Variants in PKD1L3 observed in about 807,000 individuals in gnomAD.
The protein encoded by PKD1L3 is polycystin 1 like 3, transient receptor potential channel interacting.
In PKD1L3, 239 loss-of-function variants were observed where a neutral mutation model predicts 184.1. That is an observed-to-expected ratio of 1.30 (90% CI 1.17 to 1.45). The LOEUF is 1.45. PKD1L3 is among the 40% of genes most tolerant of loss of function. PKD1L3 has a pLI of 0.00. For missense variants in PKD1L3, 2,660 were observed against 2,067.2 expected (o/e 1.29, Z -5.56); for synonymous variants, 996 against 778.8 (o/e 1.28, Z -4.64).
At chr16:71,972,225 A>G (rs1418341396) in intron 12 of PKD1L3, among the ~76,000 whole-genome samples, 1 of 147,624 alleles carries the variant, frequency 6.8e-6, no homozygotes, top group Non-Finnish European at 1.5e-5. Context: ...AAAAAAACAC[A>G]CAAAAAAACA....
Position 71,979,907 on chromosome 16 carries a change from T to C in PKD1L3, c.1277A>G (p.Asn426Ser), listed in dbSNP as rs2040082934. The C allele has an allele frequency of 3.9e-6, 6 of 1,550,694 alleles. No individual in the cohort carries two copies. The highest frequency in any genetic ancestry group is 3.5e-6 in the Non-Finnish European group (4 of 1,146,844). Residue 426 changes from asparagine (N) to serine (S), a missense_variant, in exon 9 of 30, where the codon AAC (asparagine) becomes AGC (serine). Transcript: ENST00000620267. ...ANATLLLSRQ[N>S]ISTLPLSSYT... ...AGAGCTCAGCGGTAAAGTTGATATG[T>C]TTTGTCTAATGAGAAAAGTTAAAAT...
intron 24 of PKD1L3, among the ~76,000 whole-genome samples, chr16:71,938,583 T>C (rs2038258585): frequency 6.6e-6 from 1 of 152,228 alleles, no homozygotes; most frequent in African/African-American, 2.4e-5. Context: ...TGGCGCTTCT[T>C]CTGGGCCCAC....
chr16:71,971,877 T>C (rs1343041974), intron 12 of PKD1L3, among the ~76,000 whole-genome samples: 5 of 152,042 alleles, frequency 3.3e-5, no homozygotes, highest in Admixed American at 3.3e-4. Context: ...GGTCGGGAGT[T>C]TGAGACCAGC....
At chr16:71,970,136 TCAGA>T (rs1269803539) in intron 12 of PKD1L3, 31 bp from the exon 13 acceptor site, 7 of 1,512,384 alleles carry the variant, frequency 4.6e-6, no homozygotes, top group East Asian at 2.5e-5. Context: ...TTGATTCTAG[TCAGA>T]CAGAGTGCTA....
In PKD1L3 at chr16:71,943,023, T is replaced by C. The variant is rs765921099; in HGVS notation, c.3861A>G (p.Val1287=). ...TCAACAGGGTAAGGAAGAGGATTTGTACTTGTTTAGAAGAGGAAAAAAATG... is the reference window on the plus strand; with the variant it reads ...TCAACAGGGTAAGGAAGAGGATTTGCACTTGTTTAGAAGAGGAAAAAAATG... The part of the protein sequence containing the change: ...KLFKLTGDIL[V]QILFLTLLMT... Residue 1287 remains valine (V), a splice_region_variant and synonymous_variant, in exon 24 of 30, where the codon GTA becomes GTG. Coordinates refer to ENST00000620267, the MANE Select transcript of PKD1L3 (RefSeq NM_181536.2). The C allele has an allele frequency of 1.9e-6, 3 of 1,546,430 alleles. No individual in the cohort carries two copies. The highest frequency in any genetic ancestry group is 2.6e-6 in the Non-Finnish European group (3 of 1,142,906).
In PKD1L3 at chr16:71,947,447, T is replaced by C. The variant is rs753894867; in HGVS notation, c.3718+45A>G. The C allele has an allele frequency of 2.7e-5, 36 of 1,333,098 alleles. No individual in the cohort carries two copies. In the East Asian group the frequency reaches 8.8e-4, roughly 33 times the overall value. 82.6% of individuals were successfully genotyped at this position (1,333,098 alleles called of 1,614,324 possible). A position where few individuals can be genotyped will look rare whatever the true frequency, so the allele number is the denominator to read the frequency against. ...AGTCAGCAAGGTGGCCAGATCTAAT[T>C]TGCTTTTTGCAAAATTAGGTAGTTG... On this transcript the variant is annotated intron_variant, in intron 22 of 29. Coordinates refer to ENST00000620267, the MANE Select transcript of PKD1L3 (RefSeq NM_181536.2).
At chr16:71,956,209 G>C (rs796607574) in intron 16 of PKD1L3, among the ~76,000 whole-genome samples, 64 of 21,266 alleles carry the variant, frequency 3.0e-3, no homozygotes, top group African/African-American at 0.013. Context: ...TTTTTTTTTT[G>C]TGAGATGGAG....
Position 71,993,451 on chromosome 16 carries a change from T to C in PKD1L3, c.419-119A>G, listed in dbSNP as rs1180997012. On this transcript the variant is annotated intron_variant, in intron 2 of 29. Transcript: ENST00000620267. ...GGAAAACACAAATTAAAAATTCCTA[T>C]CCAGTTTTTTAAGGACACTAAGAAT... 3 of 669,418 alleles carry C rather than the reference T, an allele frequency of 4.5e-6. No homozygotes were observed. In the East Asian group the frequency reaches 8.8e-5, roughly 20 times the overall value. The allele number at this position is 669,418 out of a possible 1,614,324, so 41.5% of individuals were successfully genotyped here. A position where few individuals can be genotyped will look rare whatever the true frequency, so the allele number is the denominator to read the frequency against.
At chr16:71,975,054 T>C (rs1257482338) in intron 11 of PKD1L3, among the ~76,000 whole-genome samples, 2 of 152,082 alleles carry the variant, frequency 1.3e-5, no homozygotes, top group Non-Finnish European at 2.9e-5. Context: ...TTTATATATA[T>C]CAGGAATTTT....
intron 16 of PKD1L3, among the ~76,000 whole-genome samples, chr16:71,962,548 G>GTT (rs1174523787): frequency 2.0e-5 from 3 of 152,168 alleles, no homozygotes; most frequent in African/African-American, 7.2e-5. Context: ...GAGTGCAGTG[G>GTT]CAATCTTGGC....
At chr16:71,934,379 C>T (rs932410528) in intron 26 of PKD1L3, among the ~76,000 whole-genome samples, 1 of 152,170 alleles carries the variant, frequency 6.6e-6, no homozygotes, top group African/African-American at 2.4e-5. Context: ...TAAAATGTGA[C>T]CTCTAGCTGA....
intron 24 of PKD1L3, among the ~76,000 whole-genome samples, chr16:71,941,312 A>G (rs1196986060): frequency 6.6e-6 from 1 of 152,090 alleles, no homozygotes; most frequent in Non-Finnish European, 1.5e-5. Context: ...ATAAGAGACT[A>G]TGAAAAAAAC....
intron 24 of PKD1L3, among the ~76,000 whole-genome samples, chr16:71,939,894 AAAG>A (rs1369995536): frequency 5.3e-5 from 8 of 152,202 alleles, no homozygotes; most frequent in Non-Finnish European, 1.2e-4. Context: ...TAGATGAAGA[AAAG>A]GAGGGCAGAT....
intron 16 of PKD1L3, 85 bp from the exon 17 acceptor site, chr16:71,954,386 G>C: frequency 9.4e-7 from 1 of 1,067,460 alleles, no homozygotes; most frequent in African/African-American, 1.6e-5. Flanking sequence ...CCAGCAACAA[G>C]CGACATAGCA....
chr16:71,994,213 G>C (rs34150651), intron 2 of PKD1L3, among the ~76,000 whole-genome samples: 1 of 152,020 alleles, frequency 6.6e-6, no homozygotes, highest in South Asian at 2.1e-4. Flanking sequence ...CGAGCAGCCT[G>C]CCTTCATACT....
chr16:71,980,929 G>T (rs900072115), intron 7 of PKD1L3, among the ~76,000 whole-genome samples: 1 of 152,200 alleles, frequency 6.6e-6, no homozygotes, highest in Admixed American at 6.5e-5. Context: ...TCTACTTTAT[G>T]TGTCTACAGA....
chr16:71,957,727 G>A (rs1042715943), intron 16 of PKD1L3, among the ~76,000 whole-genome samples: 2 of 152,142 alleles, frequency 1.3e-5, no homozygotes, highest in Non-Finnish European at 2.9e-5. Context: ...AACCCAGGAG[G>A]TTGCAGTGAG....
chr16:71,937,257 G>T, intron 25 of PKD1L3, 35 bp downstream of exon 25: 1 of 1,541,358 alleles, frequency 6.5e-7, no homozygotes, highest in Non-Finnish European at 8.8e-7. Context: ...GTTTTGCCAT[G>T]TTGCCCAGGC....
At chr16:71,945,305 TACAC>T (rs377392088) in intron 22 of PKD1L3, among the ~76,000 whole-genome samples, 621 of 59,316 alleles carry the variant, frequency 0.01, 22 homozygotes, top group African/African-American at 0.033. Flanking sequence ...TATATATATA[TACAC>T]ACACACACAC....
Sources: allele counts gnomAD v4.1 joint callset (sites outside exome capture counted in the v4.1 genomes callset), GRCh38; gene constraint gnomAD v4.1.1; transcripts MANE v1.5; gene names NCBI Gene and HGNC (gene_info 2026-07-23, HGNC 2026-07-21).